RUBCN: variants seen among roughly 807,000 people sequenced by gnomAD.
RUBCN encodes the protein rubicon autophagy regulator.
In RUBCN, 74 loss-of-function variants were observed where a neutral mutation model predicts 113.2. The ratio of observed to expected loss-of-function variants is 0.65; its 90% CI spans 0.54 to 0.79. The LOEUF (loss-of-function observed/expected upper bound fraction) is 0.79. RUBCN is among the 30% of genes least tolerant of loss of function. RUBCN has a pLI of 0.00. For missense variants in RUBCN, 1,109 were observed against 1,251.7 expected, an observed-to-expected ratio of 0.89 and a Z score of 1.72; for synonymous variants, 480 against 490.0, an observed-to-expected ratio of 0.98 and a Z score of 0.27.
At chr3:197,698,723 G>A (rs893238275) in intron 7 of RUBCN, among the ~76,000 whole-genome samples, 5 of 151,030 alleles carry the variant, frequency 3.3e-5, no homozygotes, top group African/African-American at 7.3e-5. Context: ...GCCAGGTGTG[G>A]TGGATCACGC....
At chr3:197,720,985 T>C (rs1359049972) in intron 1 of RUBCN, among the ~76,000 whole-genome samples, 2 of 152,176 alleles carry the variant, frequency 1.3e-5, no homozygotes, top group Non-Finnish European at 2.9e-5. Flanking sequence ...CTTCTGATTT[T>C]TTTTTAATGT....
intron 1 of RUBCN, among the ~76,000 whole-genome samples, chr3:197,731,957 C>T (rs1727554248): frequency 6.6e-6 from 1 of 152,222 alleles, no homozygotes; most frequent in Non-Finnish European, 1.5e-5. Flanking sequence ...GAATTTTAGA[C>T]CCTGGTGACT....
intron 17 of RUBCN, among the ~76,000 whole-genome samples, chr3:197,677,254 C>A (rs1009306915): frequency 1.3e-5 from 2 of 152,158 alleles, no homozygotes; most frequent in African/African-American, 2.4e-5. Context: ...CCATGTGAGA[C>A]CCAGCCTGGG....
chr3:197,749,659 G>T (rs1300261922), exon 1 of RUBCN: 5 of 783,340 alleles, frequency 6.4e-6, no homozygotes, highest in Non-Finnish European at 9.9e-6. Context: ...AGGTGCCCGC[G>T]GTCTAGCATC....
At chr3:197,736,611 C>G (rs928412410) in intron 1 of RUBCN, 44 bp downstream of exon 1, 1 of 1,528,668 alleles carries the variant, frequency 6.5e-7, no homozygotes, top group Non-Finnish European at 8.7e-7. Context: ...CCCGGGGCTC[C>G]GGCGCCTGTC....
At chr3:197,722,273 G>C (rs1270602417) in intron 1 of RUBCN, among the ~76,000 whole-genome samples, 1 of 151,778 alleles carries the variant, frequency 6.6e-6, no homozygotes, top group African/African-American at 2.4e-5. Flanking sequence ...AAAATACTTG[G>C]TATGATTTCA....
chr3:197,684,294 C>A, intron 11 of RUBCN, 77 bp from the exon 12 acceptor site: 2 of 1,106,062 alleles, frequency 1.8e-6, no homozygotes, highest in Non-Finnish European at 2.8e-6. Context: ...TTACAAGGTG[C>A]TCCCAGCTAA....
At position 197,670,658 on chromosome 3, in the gene RUBCN, G is replaced by C. The variant is rs140564822; in HGVS notation, c.*4360C>G. 1.3e-5 allele frequency among the ~76,000 whole-genome samples: 2 copies of C among 152,328 alleles called. No individual in the cohort carries two copies. The highest frequency in any genetic ancestry group is 2.9e-5 in the Non-Finnish European group (2 of 68,024). On this transcript the variant is annotated 3_prime_UTR_variant, in exon 20 of 20. Coordinates refer to ENST00000296343, the MANE Select transcript of RUBCN (RefSeq NM_014687.4). ...ACATTTGAACATTTTATCAACTTCAGCAGTCTTTCACATGGCTTTTTCATT... is the reference window on the plus strand; with the variant it reads ...ACATTTGAACATTTTATCAACTTCACCAGTCTTTCACATGGCTTTTTCATT...
chr3:197,728,059 T>C (rs181664852), intron 1 of RUBCN, among the ~76,000 whole-genome samples: 5 of 151,526 alleles, frequency 3.3e-5, no homozygotes, highest in Admixed American at 2.0e-4. Context: ...CTGGGCACAG[T>C]GGCACATGCC....
At chr3:197,727,093 C>T (rs1726848430) in intron 1 of RUBCN, among the ~76,000 whole-genome samples, 1 of 152,042 alleles carries the variant, frequency 6.6e-6, no homozygotes, top group Non-Finnish European at 1.5e-5. Context: ...GTGCCTGACA[C>T]CATGCCCAGC....
chr3:197,691,664 G>A (rs1722436495), intron 11 of RUBCN, among the ~76,000 whole-genome samples: 1 of 152,004 alleles, frequency 6.6e-6, no homozygotes, highest in Non-Finnish European at 1.5e-5. Flanking sequence ...GTGTGCTTTG[G>A]GCCTCTCTCT....
rs942023430 is a variant in RUBCN, at chr3:197,683,035, G to A, written c.1980+272C>T. On this transcript the variant is annotated intron_variant, in intron 13 of 19. Coordinates refer to ENST00000296343, the MANE Select transcript of RUBCN (RefSeq NM_014687.4). The surrounding 1 kb of genome is among the most constrained non-coding windows in gnomAD (Gnocchi z 4.6). ...AAGAATCCAAGCGATTTACTTTTGC[G>A]TAGTGTCTCCGAGGTGGTCACAAAC... 2.0e-5 allele frequency among the ~76,000 whole-genome samples: 3 copies of A among 152,336 alleles called. No individual in the cohort carries two copies. Among genetic ancestry groups the A allele is most frequent in the Non-Finnish European group, 2.9e-5 (2 of 68,036 alleles).
chr3:197,717,680 T>C (rs1725700418), intron 2 of RUBCN, among the ~76,000 whole-genome samples: 1 of 152,198 alleles, frequency 6.6e-6, no homozygotes, highest in African/African-American at 2.4e-5. Flanking sequence ...GATAAATCTG[T>C]GTTGTTTTAA....
At position 197,670,338 on chromosome 3, in the gene RUBCN, G is replaced by C. The variant is rs577869048; in HGVS notation, c.*4680C>G. Among the ~76,000 whole-genome samples, 1 of 152,254 alleles carries C rather than the reference G, an allele frequency of 6.6e-6. No individual in the cohort carries two copies. The highest frequency in any genetic ancestry group is 2.1e-4 in the South Asian group (1 of 4,816). On this transcript the variant is annotated 3_prime_UTR_variant, in exon 20 of 20. Transcript: ENST00000296343. ...ACTCTCAGCTCTGGCATGGTGTCTGGAACACGGAGGCATCTATAGATGTTT... is the reference window on the plus strand; with the variant it reads ...ACTCTCAGCTCTGGCATGGTGTCTGCAACACGGAGGCATCTATAGATGTTT...
chr3:197,731,911 G>A (rs1727546799), intron 1 of RUBCN, among the ~76,000 whole-genome samples: 1 of 152,262 alleles, frequency 6.6e-6, no homozygotes, highest in African/African-American at 2.4e-5. Flanking sequence ...TGGAAATGGA[G>A]AGAAAAAGAA....
chr3:197,670,343 C>T lies in RUBCN; in HGVS notation c.*4675G>A, dbSNP rs1297237784. 2.6e-5 allele frequency among the ~76,000 whole-genome samples: 4 copies of T among 152,134 alleles called. No homozygotes were observed. The highest frequency in any genetic ancestry group is 7.2e-5 in the African/African-American group (3 of 41,432). Reference sequence around the variant, plus strand: ...CAGCTCTGGCATGGTGTCTGGAACACGGAGGCATCTATAGATGTTTGGGAT... The same window carrying T: ...CAGCTCTGGCATGGTGTCTGGAACATGGAGGCATCTATAGATGTTTGGGAT... On this transcript the variant is annotated 3_prime_UTR_variant, in exon 20 of 20. Coordinates refer to ENST00000296343, the MANE Select transcript of RUBCN (RefSeq NM_014687.4).
At position 197,683,288 on chromosome 3, in the gene RUBCN, A is replaced by G. The variant is rs1203564254; in HGVS notation, c.1980+19T>C. The G allele has an allele frequency of 6.2e-7, 1 of 1,614,174 alleles. No homozygotes were observed. Among genetic ancestry groups the G allele is most frequent in the East Asian group, 2.2e-5 (1 of 44,886 alleles). On this transcript the variant is annotated intron_variant, in intron 13 of 19. Transcript: ENST00000296343. This position sits in a 1 kb window ranked among gnomAD's most constrained non-coding sequence, Gnocchi z 4.6. ...GGCTCACGATGGCCCCTGGGTAGGA[A>G]GAAGAGCTAAGGACCTACCTTCTGA...
chr3:197,732,319 G>C (rs1370244604), intron 1 of RUBCN, among the ~76,000 whole-genome samples: 1 of 152,188 alleles, frequency 6.6e-6, no homozygotes, highest in Non-Finnish European at 1.5e-5. Context: ...CAGTCTAGTA[G>C]TTTGGGTATT....
chr3:197,696,249 G>A (rs1288076288), intron 8 of RUBCN, among the ~76,000 whole-genome samples: 1 of 152,074 alleles, frequency 6.6e-6, no homozygotes, highest in Non-Finnish European at 1.5e-5. Flanking sequence ...GCACATGCCT[G>A]TAATCCCAGC....
Sources: gnomAD v4.1 joint callset for allele counts (sites outside exome capture counted in the v4.1 genomes callset) on GRCh38, gnomAD v4.1.1 for gene constraint, Gnocchi (gnomAD v3.1) non-coding constraint, MANE v1.5 for transcripts, NCBI Gene and HGNC (gene_info 2026-07-23, HGNC 2026-07-21) for gene names.